Variants in ITPR1 observed in about 807,000 individuals in gnomAD.
ITPR1 encodes the protein inositol 1,4,5-trisphosphate receptor type 1.
ITPR1 carries 96 observed loss-of-function variants against 318.4 expected under a neutral mutation model. That is an observed-to-expected ratio of 0.30 (90% CI 0.26 to 0.36). ITPR1 has a LOEUF of 0.36. Among genes scored for constraint, ITPR1 ranks in the 10% least tolerant of loss-of-function variants. ITPR1 has a pLI of 1.00. For missense variants in ITPR1, 2,440 were observed against 3,460.2 expected, an observed-to-expected ratio of 0.71 and a Z score of 7.40; for synonymous variants, 1,312 against 1,289.9, an observed-to-expected ratio of 1.02 and a Z score of -0.37.
chr3:4,781,849 GGTGGACACCT>G (rs1334884840), intron 49 of ITPR1, among the ~76,000 whole-genome samples: 2 of 152,150 alleles, frequency 1.3e-5, no homozygotes, highest in African/African-American at 4.8e-5. Context: ...CAGGCATGGT[GGTGGACACCT>G]GTAGTTCCAG....
intron 42 of ITPR1, 84 bp from the exon 43 acceptor site, chr3:4,733,004 G>C (rs375352094): frequency 7.2e-7 from 1 of 1,382,538 alleles, no homozygotes; most frequent in African/African-American, 1.4e-5. Context: ...AATTATAACT[G>C]AGTACCCCTG....
intron 44 of ITPR1, among the ~76,000 whole-genome samples, chr3:4,740,052 A>G (rs770316903): frequency 5.9e-5 from 9 of 152,184 alleles, no homozygotes; most frequent in Non-Finnish European, 1.0e-4. Context: ...ATCACATTCT[A>G]TTGGTCAAAG....
At chr3:4,666,265 T>C (rs1440634537) in intron 17 of ITPR1, among the ~76,000 whole-genome samples, 2 of 152,152 alleles carry the variant, frequency 1.3e-5, no homozygotes, top group Admixed American at 1.3e-4. Flanking sequence ...TAATTAAAGG[T>C]TTTTGTCATG....
chr3:4,621,018 G>C (rs896857605), intron 4 of ITPR1, among the ~76,000 whole-genome samples: 6 of 151,098 alleles, frequency 4.0e-5, no homozygotes, highest in Non-Finnish European at 8.8e-5. Context: ...ATTTCAGCTT[G>C]GATGTTTCGT....
chr3:4,535,096 C>T (rs905876275), intron 4 of ITPR1, among the ~76,000 whole-genome samples: 1 of 150,208 alleles, frequency 6.7e-6, no homozygotes, highest in African/African-American at 2.5e-5. Context: ...AAATATTATA[C>T]AAGGATATAA....
At chr3:4,801,455 A>G (rs1028440388) in intron 54 of ITPR1, among the ~76,000 whole-genome samples, 7 of 152,142 alleles carry the variant, frequency 4.6e-5, no homozygotes, top group Non-Finnish European at 1.0e-4. Flanking sequence ...AGGAGGCAGG[A>G]TGGAAGTTAG....
At chr3:4,671,552 A>G (rs9846505) in intron 20 of ITPR1, 150,733 of 152,536 alleles carry the variant, frequency 0.99, 74,504 homozygotes, top group Non-Finnish European at 1. Context: ...ATGTTTACCC[A>G]TCTGCCCGTT....
chr3:4,571,107 A>T (rs1328157481), intron 4 of ITPR1, among the ~76,000 whole-genome samples: 1 of 152,144 alleles, frequency 6.6e-6, no homozygotes, highest in Non-Finnish European at 1.5e-5. Context: ...TGTTTGTGTC[A>T]TATCTGCTGA....
At chr3:4,678,523 G>C (rs184995974) in intron 24 of ITPR1, among the ~76,000 whole-genome samples, 2 of 152,284 alleles carry the variant, frequency 1.3e-5, no homozygotes, top group East Asian at 3.9e-4. Flanking sequence ...GCACTGTGAG[G>C]AATGCAAAAA....
At chr3:4,696,672 TG>T (rs1420461355) in intron 33 of ITPR1, among the ~76,000 whole-genome samples, 11 of 100,994 alleles carry the variant, frequency 1.1e-4, no homozygotes, top group South Asian at 3.3e-4. Flanking sequence ...CCTTGCCGTG[TG>T]TTTTTTTTTT....
In ITPR1 at chr3:4,811,453, T is replaced by G; in HGVS notation, c.7461T>G (p.Ala2487=). 1 of 1,613,372 alleles carries G rather than the reference T, an allele frequency of 6.2e-7. No homozygotes were observed. The highest frequency in any genetic ancestry group is 8.5e-7 in the Non-Finnish European group (1 of 1,179,528). Residue 2487 remains alanine, a synonymous_variant, in exon 56 of 62, where the codon GCT becomes GCG. Transcript: ENST00000649015. ...TAGATAGGCTGCCCAATGAAACAGCTGTTCCAGGTGGGTTTGGGATCTTCT... is the reference window on the plus strand; with the variant it reads ...TAGATAGGCTGCCCAATGAAACAGCGGTTCCAGGTGGGTTTGGGATCTTCT... ...LEVDRLPNET[A]VPETGESLAS...
At chr3:4,690,205 G>A (rs1487353410) in intron 31 of ITPR1, among the ~76,000 whole-genome samples, 1 of 152,216 alleles carries the variant, frequency 6.6e-6, no homozygotes, top group Admixed American at 6.5e-5. Context: ...AACTCAGGAG[G>A]TGGAGGTTGC....
At chr3:4,674,405 G>A (rs1230696042) in intron 22 of ITPR1, 62 bp downstream of exon 22, 4 of 1,399,394 alleles carry the variant, frequency 2.9e-6, no homozygotes, top group Non-Finnish European at 3.9e-6. Flanking sequence ...TTTTCTATGG[G>A]GCAAATAGAA....
intron 4 of ITPR1, among the ~76,000 whole-genome samples, chr3:4,572,837 T>C (rs941996700): frequency 2.6e-5 from 4 of 152,178 alleles, no homozygotes; most frequent in African/African-American, 9.6e-5. Flanking sequence ...TGGAGTCATA[T>C]TGTATTTGTG....
intron 2 of ITPR1, among the ~76,000 whole-genome samples, chr3:4,510,394 G>C (rs304037): frequency 0.093 from 14,194 of 152,224 alleles, 697 homozygotes; most frequent in Non-Finnish European, 0.11. Flanking sequence ...AATAGATTGA[G>C]GAGGAAAGAC....
At chr3:4,637,335 T>C (rs1292783052) in intron 5 of ITPR1, among the ~76,000 whole-genome samples, 1 of 152,222 alleles carries the variant, frequency 6.6e-6, no homozygotes, top group East Asian at 1.9e-4. Flanking sequence ...TCCAATGTTA[T>C]GTTTGGAAGA....
At chr3:4,528,602 AACTT>A (rs2083168012) in intron 4 of ITPR1, among the ~76,000 whole-genome samples, 1 of 152,178 alleles carries the variant, frequency 6.6e-6, no homozygotes, top group South Asian at 2.1e-4. Context: ...GGGAGGGCCT[AACTT>A]AAATTTTGTT....
At chr3:4,653,144 T>C (rs149877651) in intron 11 of ITPR1, among the ~76,000 whole-genome samples, 7 of 152,340 alleles carry the variant, frequency 4.6e-5, no homozygotes, top group African/African-American at 1.7e-4. Flanking sequence ...GTATGATGCA[T>C]ATTTCTATCA....
chr3:4,567,496 C>G (rs1330457758), intron 4 of ITPR1, among the ~76,000 whole-genome samples: 9 of 152,188 alleles, frequency 5.9e-5, no homozygotes, highest in African/African-American at 2.2e-4. Flanking sequence ...CAAGTCGAAA[C>G]TGAGATTAGA....
Sources: gnomAD v4.1 joint callset for allele counts (sites outside exome capture counted in the v4.1 genomes callset) on GRCh38, gnomAD v4.1.1 for gene constraint, MANE v1.5 for transcripts, NCBI Gene and HGNC (gene_info 2026-07-23, HGNC 2026-07-21) for gene names.